AGBL1: variants seen among roughly 807,000 people sequenced by gnomAD.
AGBL1 encodes cytosolic carboxypeptidase 4.
In AGBL1, 130 loss-of-function variants were observed where a neutral mutation model predicts 118.9. That is an observed-to-expected ratio of 1.09 (90% CI 0.95 to 1.26). The LOEUF (loss-of-function observed/expected upper bound fraction) is 1.26. Among genes scored for constraint, AGBL1 ranks in the 50% most tolerant of loss-of-function variants. The probability of loss-of-function intolerance (pLI) is 0.00; values close to 1 mark genes in which losing one functional copy is unlikely to be tolerated. For missense variants in AGBL1, 1,584 were observed against 1,298.1 expected (o/e 1.22, Z -3.38); for synonymous variants, 555 against 478.9 (o/e 1.16, Z -2.08).
chr15:86,134,644 C>T (rs2076864281), intron 1 of AGBL1, among the ~76,000 whole-genome samples: 1 of 118,512 alleles, frequency 8.4e-6, no homozygotes, highest in South Asian at 3.1e-4. Flanking sequence ...GATGGCATCT[C>T]ACTCTGTCGC....
chr15:86,325,091 G>C (rs1001706713), intron 17 of AGBL1, among the ~76,000 whole-genome samples: 1 of 152,184 alleles, frequency 6.6e-6, no homozygotes, highest in Admixed American at 6.5e-5. Context: ...AATGTTTAAA[G>C]GGTTTTGGGT....
intron 19 of AGBL1, among the ~76,000 whole-genome samples, chr15:86,541,992 C>T (rs2083504078): frequency 6.6e-6 from 1 of 152,164 alleles, no homozygotes; most frequent in Non-Finnish European, 1.5e-5. Flanking sequence ...GGCAGAAATT[C>T]ACTAGATTTG....
intron 22 of AGBL1, among the ~76,000 whole-genome samples, chr15:86,745,549 C>T (rs926279154): frequency 2.6e-5 from 4 of 151,734 alleles, no homozygotes; most frequent in Non-Finnish European, 5.9e-5. Flanking sequence ...GTTTTTTGGA[C>T]CAAAATCTTG....
intron 18 of AGBL1, among the ~76,000 whole-genome samples, chr15:86,432,910 C>T (rs1263326948): frequency 1.3e-5 from 2 of 152,180 alleles, no homozygotes; most frequent in East Asian, 3.8e-4. Context: ...CTGGAGTGGC[C>T]CCTGTCCCCA....
chr15:86,622,990 C>G (rs1567088100), intron 21 of AGBL1, among the ~76,000 whole-genome samples: 1 of 152,126 alleles, frequency 6.6e-6, no homozygotes, highest in Non-Finnish European at 1.5e-5. Context: ...CTCAAGTGCA[C>G]AGTTCACAAT....
At chr15:86,129,989 G>T (rs1266043475) in intron 1 of AGBL1, among the ~76,000 whole-genome samples, 5 of 152,110 alleles carry the variant, frequency 3.3e-5, no homozygotes. Context: ...ACTCCTTCTT[G>T]GGAAATATGC....
intron 6 of AGBL1, among the ~76,000 whole-genome samples, chr15:86,244,182 G>A (rs140285552): frequency 0.024 from 3,718 of 151,976 alleles, 64 homozygotes; most frequent in Non-Finnish European, 0.042. Flanking sequence ...TTAGGAAAAC[G>A]CTGTTTATGT....
intron 1 of AGBL1, among the ~76,000 whole-genome samples, chr15:86,134,604 CTTTTTTTTTTTTTTTTTT>C (rs141645590): frequency 5.9e-5 from 5 of 84,614 alleles, no homozygotes; most frequent in Non-Finnish European, 9.5e-5. Flanking sequence ...TCAATGGTGC[CTTTTTTTTTTTTTTTTTT>C]TTTTTTTTTG....
chr15:86,904,616 CTATT>C (rs2080256695), intron 22 of AGBL1, among the ~76,000 whole-genome samples: 1 of 147,724 alleles, frequency 6.8e-6, no homozygotes, highest in South Asian at 2.1e-4. Flanking sequence ...TTTGTAGTAT[CTATT>C]ATATTTATTT....
At chr15:86,918,339 G>C (rs964459047), downstream of AGBL1, among the ~76,000 whole-genome samples, 25 of 152,284 alleles carry the variant, frequency 1.6e-4, no homozygotes, top group African/African-American at 6.0e-4. Flanking sequence ...TTTGAACTGA[G>C]CTTGCATCCT....
rs563978083 is a variant in AGBL1 at position 86,960,107 on chromosome 15, GA to G, written c.3222-27876del. Among the ~76,000 whole-genome samples, 60 of 152,200 alleles carry G rather than the reference GA, an allele frequency of 3.9e-4. No individual in the cohort carries two copies. In the East Asian group the frequency reaches 8.3e-3, roughly 21 times the overall value. On this transcript the variant is annotated intron_variant, in intron 23 of 24. Coordinates refer to the AGBL1 transcript ENST00000441037. ...TTTCTTTGTTGACTTGAAAACAAATGAAAATGTAACAAAAATGCAGGGTACT... is the reference window on the plus strand; with the variant it reads ...TTTCTTTGTTGACTTGAAAACAAATGAAATGTAACAAAAATGCAGGGTACT...
intron 18 of AGBL1, among the ~76,000 whole-genome samples, chr15:86,492,255 G>C (rs989485787): frequency 2.2e-4 from 33 of 152,248 alleles, no homozygotes; most frequent in Non-Finnish European, 4.0e-4. Flanking sequence ...CACGAAGTAG[G>C]AGGGGGCAGC....
chr15:86,571,715 AG>A (rs2084009534), intron 21 of AGBL1, among the ~76,000 whole-genome samples: 1 of 152,064 alleles, frequency 6.6e-6, no homozygotes, highest in Non-Finnish European at 1.5e-5. Flanking sequence ...TTGGCCTCAG[AG>A]GGGAGGAAGC....
intron 5 of AGBL1, among the ~76,000 whole-genome samples, chr15:86,181,730 AAT>A (rs761698816): frequency 2.6e-5 from 4 of 152,066 alleles, no homozygotes; most frequent in South Asian, 4.1e-4. Flanking sequence ...TATATTAAGG[AAT>A]ATGCATAGTA....
chr15:86,390,660 ATTTTTTTTTTTT>A (rs756052402), intron 17 of AGBL1, among the ~76,000 whole-genome samples: 1 of 75,474 alleles, frequency 1.3e-5, no homozygotes, highest in East Asian at 6.1e-4. Context: ...ATACTGTATG[ATTTTTTTTTTTT>A]TTTTTTTTTT....
chr15:86,714,915 AT>A (rs1417277048), intron 22 of AGBL1, among the ~76,000 whole-genome samples: 1 of 152,190 alleles, frequency 6.6e-6, no homozygotes, highest in Non-Finnish European at 1.5e-5. Flanking sequence ...CACTCCAAGT[AT>A]TTTAAGTGGT....
intron 22 of AGBL1, among the ~76,000 whole-genome samples, chr15:86,730,589 G>A (rs565895709): frequency 6.6e-6 from 1 of 152,042 alleles, no homozygotes; most frequent in African/African-American, 2.4e-5. Flanking sequence ...ACAGTTAAGT[G>A]CATGGGCTGC....
chr15:86,111,991 T>A (rs1185611565), intron 1 of AGBL1, among the ~76,000 whole-genome samples: 1 of 152,180 alleles, frequency 6.6e-6, no homozygotes, highest in Non-Finnish European at 1.5e-5. Flanking sequence ...TCTCTCCTTA[T>A]GAGAATCTAA....
chr15:86,623,305 G>T (rs1219176374), intron 21 of AGBL1, among the ~76,000 whole-genome samples: 1 of 152,170 alleles, frequency 6.6e-6, no homozygotes, highest in Non-Finnish European at 1.5e-5. Flanking sequence ...GGTTGGGATG[G>T]GGCCATCATA....
Sources: gnomAD v4.1 joint callset for allele counts (sites outside exome capture counted in the v4.1 genomes callset) on GRCh38, gnomAD v4.1.1 for gene constraint, MANE v1.5 for transcripts, NCBI Gene and HGNC (gene_info 2026-07-23, HGNC 2026-07-21) for gene names.